AOAH: variants seen among roughly 807,000 people sequenced by gnomAD.
AOAH encodes acyloxyacyl hydrolase.
In AOAH, 64 loss-of-function variants were observed where a neutral mutation model predicts 92.2. The observed-to-expected ratio is 0.69, with a 90% CI of 0.57 to 0.86. AOAH has a LOEUF of 0.86. Ranked by LOEUF, AOAH falls within the 40% of genes least tolerant of loss-of-function variation. The pLI is 0.00. For synonymous variants in AOAH, 263 were observed against 254.5 expected (o/e 1.03, Z -0.32); for missense variants, 656 against 694.6 (o/e 0.94, Z 0.62).
chr7:36,596,470 A>C (rs1790133859), intron 11 of AOAH, among the ~76,000 whole-genome samples: 1 of 152,188 alleles, frequency 6.6e-6, no homozygotes. Context: ...TGCAGATGTA[A>C]CTAGTTAAGA....
At chr7:36,640,911 G>A (rs1049132424) in intron 4 of AOAH, among the ~76,000 whole-genome samples, 1 of 152,138 alleles carries the variant, frequency 6.6e-6, no homozygotes, top group African/African-American at 2.4e-5. Flanking sequence ...TTGAGTAGGT[G>A]GGGAAAGGTG....
Position 36,657,467 on chromosome 7 carries a change from G to A in AOAH, c.390+1699C>T, listed in dbSNP as rs557569767. Among the ~76,000 whole-genome samples, 11 of 152,310 alleles carry A rather than the reference G, an allele frequency of 7.2e-5. 1 individual carries two copies. The highest frequency in any genetic ancestry group is 2.6e-4 in the African/African-American group (11 of 41,566). ...CAAAGTGAGTGCCCAGTCAATGTCA[G>A]TTACTACTATTCAGGGGAAGCTCAG... On this transcript the variant is annotated intron_variant, in intron 4 of 20. Transcript: ENST00000617537.
chr7:36,548,785 C>G, intron 14 of AOAH, 99 bp from the exon 15 acceptor site: 1 of 1,047,592 alleles, frequency 9.5e-7, no homozygotes, highest in South Asian at 1.3e-5. Flanking sequence ...CTTGGTATGA[C>G]CACCCTCTTG....
chr7:36,523,626 C>T (rs1296329022), intron 19 of AOAH, among the ~76,000 whole-genome samples: 1 of 75,576 alleles, frequency 1.3e-5, no homozygotes, highest in South Asian at 5.7e-4. Context: ...GCCTGTTTTG[C>T]CTGTTTTTTT....
At chr7:36,671,109 A>T (rs1402077369) in intron 3 of AOAH, among the ~76,000 whole-genome samples, 2 of 152,348 alleles carry the variant, frequency 1.3e-5, no homozygotes, top group East Asian at 3.9e-4. Flanking sequence ...TACTAGGTGT[A>T]TAAATAGATT....
chr7:36,616,396 G>A lies in AOAH; in HGVS notation c.830C>T (p.Ala277Val), dbSNP rs960341212. 29 of 1,613,628 alleles carry A rather than the reference G, an allele frequency of 1.8e-5. No homozygotes were observed. Among genetic ancestry groups the A allele is most frequent in the South Asian group, 5.5e-5 (5 of 91,068 alleles). ...HFHISPEWIT[A>V]SQMSLNSFIN... Reference sequence around the variant, plus strand: ...ATTACTTACCAAAGACATCTGCGACGCTGTGATCCATTCAGGAGAGATGTG... The same window carrying A: ...ATTACTTACCAAAGACATCTGCGACACTGTGATCCATTCAGGAGAGATGTG... Residue 277 changes from alanine (A) to valine (V), a missense_variant, in exon 11 of 21, where the codon GCG (alanine) becomes GTG (valine). By Grantham distance (64) the Ala-to-Val change is moderately conservative. Transcript: ENST00000617537.
intron 1 of AOAH, among the ~76,000 whole-genome samples, chr7:36,714,779 G>T (rs572009415): frequency 1.3e-5 from 2 of 151,968 alleles, no homozygotes; most frequent in Non-Finnish European, 2.9e-5. Flanking sequence ...ATTCAACAAC[G>T]CTTCATGCTA....
At chr7:36,601,887 TATC>T (rs1484180462) in intron 11 of AOAH, among the ~76,000 whole-genome samples, 1 of 152,174 alleles carries the variant, frequency 6.6e-6, no homozygotes, top group Non-Finnish European at 1.5e-5. Context: ...AAATTCATCA[TATC>T]ATATCCAAAG....
At chr7:36,701,244 A>T (rs963786152) in intron 1 of AOAH, among the ~76,000 whole-genome samples, 1 of 151,928 alleles carries the variant, frequency 6.6e-6, no homozygotes, top group Non-Finnish European at 1.5e-5. Context: ...AGAATGGTCC[A>T]TGAATACTTT....
intron 4 of AOAH, among the ~76,000 whole-genome samples, chr7:36,642,192 T>C (rs945124979): frequency 3.3e-5 from 5 of 151,780 alleles, no homozygotes; most frequent in African/African-American, 9.7e-5. Context: ...TTAAAAGCAA[T>C]AGCAAAAACC....
At chr7:36,540,015 G>A (rs1302348246) in intron 16 of AOAH, among the ~76,000 whole-genome samples, 1 of 152,110 alleles carries the variant, frequency 6.6e-6, no homozygotes, top group East Asian at 1.9e-4. Flanking sequence ...TCCTGTTTGG[G>A]CTTCCTCAGC....
intron 3 of AOAH, 67 bp from the exon 4 acceptor site, chr7:36,659,332 G>T (rs1167410497): frequency 7.7e-7 from 1 of 1,304,350 alleles, no homozygotes; most frequent in Non-Finnish European, 1.1e-6. Context: ...AGAAGCTACT[G>T]CAAAGAAAGG....
At chr7:36,573,488 C>T (rs566347385) in intron 13 of AOAH, among the ~76,000 whole-genome samples, 1 of 152,204 alleles carries the variant, frequency 6.6e-6, no homozygotes, top group Non-Finnish European at 1.5e-5. Context: ...GAGGCCGAGG[C>T]TGGTGGATCA....
Position 36,513,229 on chromosome 7 carries a change from A to G in AOAH, c.*23T>C, listed in dbSNP as rs1416702208. ...AAGCCTCTGCCTCCCTGTGCTCCCCAGGGGTGCATGCTCCTGAGAGGCTCA... is the reference window on the plus strand; with the variant it reads ...AAGCCTCTGCCTCCCTGTGCTCCCCGGGGGTGCATGCTCCTGAGAGGCTCA... On this transcript the variant is annotated 3_prime_UTR_variant, in exon 21 of 21. Transcript: ENST00000617537. The G allele has an allele frequency of 1.9e-6, 3 of 1,614,160 alleles. No homozygotes were observed. The highest frequency in any genetic ancestry group is 1.7e-6 in the Non-Finnish European group (2 of 1,180,012).
chr7:36,650,115 G>A (rs566630250), intron 4 of AOAH, among the ~76,000 whole-genome samples: 5 of 5,972 alleles, frequency 8.4e-4, no homozygotes, highest in African/African-American at 3.1e-3. Flanking sequence ...TCTTGGAAGC[G>A]GCCCACCACC....
chr7:36,542,136 G>A (rs1785465444), intron 15 of AOAH, among the ~76,000 whole-genome samples: 1 of 152,150 alleles, frequency 6.6e-6, no homozygotes, highest in South Asian at 2.1e-4. Flanking sequence ...ATAAGAAGAG[G>A]AGAGGACACA....
chr7:36,552,449 G>T (rs1017006716), intron 13 of AOAH, among the ~76,000 whole-genome samples: 5 of 152,130 alleles, frequency 3.3e-5, no homozygotes, highest in Non-Finnish European at 5.9e-5. Flanking sequence ...ATCATGAATA[G>T]TGCTGCAATG....
In AOAH at chr7:36,686,787, C is replaced by A. The variant is rs1797043557; in HGVS notation, c.135G>T (p.Val45=). 2 of 1,556,114 alleles carry A rather than the reference C, an allele frequency of 1.3e-6. No homozygotes were observed. Among genetic ancestry groups the A allele is most frequent in the East Asian group, 2.5e-5 (1 of 40,792 alleles). Residue 45 remains valine (V), a synonymous_variant, in exon 2 of 21, where the codon GTG becomes GTT. Coordinates refer to ENST00000617537, the MANE Select transcript of AOAH (RefSeq NM_001637.4). ...GCTGTTCTATTACAGACACCACCAG[C>A]ACACACCCTGCCAGGGAGGAGAAGA... ...LSNGHTCVGC[V]LVVSVIEQLA...
chr7:36,599,904 C>T (rs1046881930), intron 11 of AOAH: 7 of 152,678 alleles, frequency 4.6e-5, no homozygotes, highest in Admixed American at 4.6e-4. Context: ...CCCCACCGCT[C>T]CCATTACCTT....
Sources: gnomAD v4.1 joint callset for allele counts (sites outside exome capture counted in the v4.1 genomes callset) on GRCh38, gnomAD v4.1.1 for gene constraint, MANE v1.5 for transcripts, NCBI Gene and HGNC (gene_info 2026-07-23, HGNC 2026-07-21) for gene names.